The following ASIC2 variants were observed in gnomAD, a reference collection of about 807,000 sequenced individuals.
The protein encoded by ASIC2 is acid sensing ion channel subunit 2, also known as acid-sensing ion channel 2.
A neutral mutation model predicts 57.3 loss-of-function variants in ASIC2; 25 were observed. The ratio of observed to expected loss-of-function variants is 0.44; its 90% CI spans 0.32 to 0.61. The LOEUF (loss-of-function observed/expected upper bound fraction) is 0.61. Among genes scored for constraint, ASIC2 ranks in the 20% least tolerant of loss-of-function variants. The pLI is 0.06. For synonymous variants in ASIC2, 319 were observed against 307.5 expected (o/e 1.04, Z -0.39); for missense variants, 641 against 738.1 (o/e 0.87, Z 1.52).
intron 1 of ASIC2, among the ~76,000 whole-genome samples, chr17:33,724,824 C>G (rs1909494877): frequency 6.8e-6 from 1 of 146,670 alleles, no homozygotes; most frequent in Non-Finnish European, 1.5e-5. Context: ...ATACCCTCAA[C>G]CCCCAACACA....
At chr17:33,335,459 C>T (rs1052219954) in intron 1 of ASIC2, among the ~76,000 whole-genome samples, 1 of 152,160 alleles carries the variant, frequency 6.6e-6, no homozygotes, top group African/African-American at 2.4e-5. Flanking sequence ...CTAAGCAGCA[C>T]AGGGAATGTC....
chr17:34,083,100 C>A (rs1232718239), intron 1 of ASIC2, among the ~76,000 whole-genome samples: 26 of 151,696 alleles, frequency 1.7e-4, no homozygotes, highest in Admixed American at 1.6e-3. Context: ...TATACATGTG[C>A]CATGCTGCTG....
intron 1 of ASIC2, chr17:33,692,245 T>C (rs1908395696): frequency 1.3e-5 from 2 of 152,150 alleles, no homozygotes; most frequent in Non-Finnish European, 2.9e-5. Context: ...TCAGTTCCTA[T>C]CATTATCCTC....
In ASIC2 at chr17:34,156,489, G is replaced by A. The variant is rs1904727403; in HGVS notation, c.44C>T (p.Ser15Phe). The A allele has an allele frequency of 1.2e-6, 2 of 1,612,132 alleles. No individual in the cohort carries two copies. The highest frequency in any genetic ancestry group is 1.3e-5 in the African/African-American group (1 of 74,920). Residue 15 changes from serine to phenylalanine, a missense_variant, in exon 1 of 10, where the codon TCT (serine) becomes TTT (phenylalanine). Physicochemically the swap from Ser to Phe is radical, Grantham distance 155. Coordinates refer to the ASIC2 transcript ENST00000359872. The surrounding 1 kb of genome is among the most constrained non-coding windows in gnomAD (Gnocchi z 4.4). ...GGTGTTGGCAAAGATCTGGATGCTAGAAGGTTGCAGGCTGCCCTCACTGGG... is the reference window on the plus strand; with the variant it reads ...GGTGTTGGCAAAGATCTGGATGCTAAAAGGTTGCAGGCTGCCCTCACTGGG...
chr17:33,174,687 T>C (rs1325234257), intron 1 of ASIC2, among the ~76,000 whole-genome samples: 5 of 152,100 alleles, frequency 3.3e-5, no homozygotes, highest in African/African-American at 7.2e-5. Context: ...CTCTGCCCAA[T>C]GAAAGGAAGA....
intron 3 of ASIC2, among the ~76,000 whole-genome samples, chr17:33,076,916 T>C (rs532018635): frequency 6.6e-6 from 1 of 152,206 alleles, no homozygotes; most frequent in Non-Finnish European, 1.5e-5. Context: ...TTGGTGTACA[T>C]GAGTATGTAT....
chr17:33,102,877 A>G (rs1164248750), intron 2 of ASIC2, among the ~76,000 whole-genome samples: 2 of 152,070 alleles, frequency 1.3e-5, no homozygotes, highest in South Asian at 2.1e-4. Context: ...TCCGCCTTCC[A>G]GGTTCACGCC....
intron 1 of ASIC2, among the ~76,000 whole-genome samples, chr17:33,663,492 C>T (rs1020884274): frequency 6.8e-6 from 1 of 146,400 alleles, no homozygotes; most frequent in African/African-American, 2.5e-5. Context: ...GAAGTATATG[C>T]GTGCTAAAGT....
chr17:33,753,762 T>C (rs1910506487), intron 1 of ASIC2, among the ~76,000 whole-genome samples: 1 of 152,238 alleles, frequency 6.6e-6, no homozygotes, highest in Admixed American at 6.5e-5. Flanking sequence ...CTACTGGGAT[T>C]GGCCAAGACT....
intron 1 of ASIC2, among the ~76,000 whole-genome samples, chr17:33,234,300 C>T (rs1278889626): frequency 6.6e-6 from 1 of 152,202 alleles, no homozygotes; most frequent in Admixed American, 6.5e-5. Context: ...CCCAGAGGCT[C>T]TTACTAGGTT....
intron 1 of ASIC2, among the ~76,000 whole-genome samples, chr17:33,337,672 G>T (rs1907567920): frequency 6.6e-6 from 1 of 152,238 alleles, no homozygotes; most frequent in South Asian, 2.1e-4. Context: ...GGGCAAGGAG[G>T]ATGGAGATGT....
chr17:33,262,381 AGAAGAAAG>A (rs1909317858), intron 1 of ASIC2, among the ~76,000 whole-genome samples: 1 of 149,974 alleles, frequency 6.7e-6, no homozygotes, highest in South Asian at 2.2e-4. Context: ...GAGGGAGGGA[AGAAGAAAG>A]GAAGAAAGGA....
chr17:33,894,316 T>A (rs1318491707), intron 1 of ASIC2, among the ~76,000 whole-genome samples: 1 of 150,250 alleles, frequency 6.7e-6, no homozygotes, highest in Non-Finnish European at 1.5e-5. Flanking sequence ...AAGGACAGAA[T>A]GAGAGAAGCT....
intron 1 of ASIC2, among the ~76,000 whole-genome samples, chr17:33,336,524 C>G (rs1397627297): frequency 6.6e-6 from 1 of 152,158 alleles, no homozygotes; most frequent in Non-Finnish European, 1.5e-5. Flanking sequence ...AATACATGAG[C>G]ACCTACTGTA....
At chr17:33,263,803 A>C (rs1191007684) in intron 1 of ASIC2, among the ~76,000 whole-genome samples, 1 of 152,250 alleles carries the variant, frequency 6.6e-6, no homozygotes, top group Non-Finnish European at 1.5e-5. Context: ...TACAAGAAGA[A>C]TTCCTAAAGC....
At chr17:34,006,712 A>C (rs948211843) in intron 1 of ASIC2, 1 of 152,220 alleles carries the variant, frequency 6.6e-6, no homozygotes, top group Non-Finnish European at 1.5e-5. Flanking sequence ...CGATCACATC[A>C]GAGTAGACCT....
chr17:33,061,059 G>A (rs2092018580), intron 3 of ASIC2, among the ~76,000 whole-genome samples: 1 of 152,238 alleles, frequency 6.6e-6, no homozygotes, highest in East Asian at 1.9e-4. Context: ...AGGAGATTTT[G>A]GGCTGAGACG....
At chr17:33,340,722 C>T (rs961498114) in intron 1 of ASIC2, among the ~76,000 whole-genome samples, 7 of 152,090 alleles carry the variant, frequency 4.6e-5, no homozygotes, top group Admixed American at 4.6e-4. Flanking sequence ...CCTGCATCAT[C>T]AAACGGGCTC....
intron 1 of ASIC2, among the ~76,000 whole-genome samples, chr17:33,506,319 C>A (rs548254240): frequency 2.0e-5 from 3 of 150,348 alleles, no homozygotes; most frequent in Non-Finnish European, 4.4e-5. Flanking sequence ...AGGCTGAGGC[C>A]GGCGAATGGT....
Sources: gnomAD v4.1 joint callset for allele counts (sites outside exome capture counted in the v4.1 genomes callset) on GRCh38, gnomAD v4.1.1 for gene constraint, Gnocchi (gnomAD v3.1) non-coding constraint, MANE v1.5 for transcripts, NCBI Gene and HGNC (gene_info 2026-07-23, HGNC 2026-07-21) for gene names.